Variants in GULP1 observed in about 807,000 individuals in gnomAD.
GULP1 encodes GULP PTB domain containing engulfment adaptor 1.
GULP1 carries 19 observed loss-of-function variants against 40.9 expected under a neutral mutation model. The ratio of observed to expected loss-of-function variants is 0.46; its 90% CI spans 0.32 to 0.68. The LOEUF (loss-of-function observed/expected upper bound fraction) is 0.68, where lower values mean the gene tolerates loss of function less well. Ranked by LOEUF, GULP1 falls within the 30% of genes least tolerant of loss-of-function variation. The pLI is 0.03. For missense variants in GULP1, 312 were observed against 362.2 expected (o/e 0.86, Z 1.12); for synonymous variants, 119 against 117.6 (o/e 1.01, Z -0.08).
chr2:188,540,468 A>T (rs994319902), intron 6 of GULP1, among the ~76,000 whole-genome samples: 7 of 151,788 alleles, frequency 4.6e-5, no homozygotes, highest in African/African-American at 1.7e-4. Context: ...GTGTAAATAT[A>T]TGCTGCAACT....
intron 4 of GULP1, among the ~76,000 whole-genome samples, chr2:188,514,403 C>A (rs1385797026): frequency 6.6e-6 from 1 of 151,960 alleles, no homozygotes; most frequent in Non-Finnish European, 1.5e-5. Context: ...CTTAAAGTTG[C>A]AGTTTCAAAG....
intron 2 of GULP1, among the ~76,000 whole-genome samples, chr2:188,386,932 C>T (rs2049846936): frequency 6.6e-6 from 1 of 151,994 alleles, no homozygotes; most frequent in Admixed American, 6.6e-5. Flanking sequence ...ATAACTAAGC[C>T]TAGAGGAAAA....
At chr2:188,386,156 A>G (rs1368363740) in intron 2 of GULP1, among the ~76,000 whole-genome samples, 2 of 152,338 alleles carry the variant, frequency 1.3e-5, no homozygotes, top group East Asian at 3.9e-4. Flanking sequence ...TTACAGTTCC[A>G]TGTGGCTGGG....
chr2:188,558,539 G>A (rs1009474779), intron 7 of GULP1, among the ~76,000 whole-genome samples: 1 of 152,110 alleles, frequency 6.6e-6, no homozygotes, highest in Admixed American at 6.6e-5. Context: ...AGTAGAGTGC[G>A]GTGTTGCTGA....
At chr2:188,590,031 G>T (rs936965229) in intron 11 of GULP1, 1 of 194,092 alleles carries the variant, frequency 5.2e-6, no homozygotes, top group African/African-American at 2.3e-5. Flanking sequence ...GGAGTGCAGT[G>T]GCATGATCTT....
intron 1 of GULP1, 47 bp from the exon 2 acceptor site, chr2:188,383,716 A>T (rs898561175): frequency 6.6e-6 from 1 of 152,116 alleles, no homozygotes; most frequent in Non-Finnish European, 1.5e-5. Flanking sequence ...ATAAACAGAA[A>T]TGTAATTATT....
At chr2:188,326,508 C>T (rs1162409023) in intron 1 of GULP1, among the ~76,000 whole-genome samples, 2 of 151,968 alleles carry the variant, frequency 1.3e-5, no homozygotes, top group Non-Finnish European at 2.9e-5. Context: ...CACCGAGTAG[C>T]CCCCCAACAA....
intron 2 of GULP1, among the ~76,000 whole-genome samples, chr2:188,419,799 C>G (rs1204103694): frequency 1.3e-5 from 2 of 152,020 alleles, no homozygotes; most frequent in East Asian, 1.9e-4. Context: ...AAGCTTTTCT[C>G]TTAGGTTTTC....
chr2:188,423,765 A>G (rs1451743733), intron 2 of GULP1, among the ~76,000 whole-genome samples: 1 of 151,930 alleles, frequency 6.6e-6, no homozygotes, highest in African/African-American at 2.4e-5. Flanking sequence ...TTAGCTTTTC[A>G]AATTAGATAG....
chr2:188,364,573 G>A (rs1225375824), intron 1 of GULP1, among the ~76,000 whole-genome samples: 2 of 151,962 alleles, frequency 1.3e-5, no homozygotes, highest in African/African-American at 4.8e-5. Context: ...CTTTCTCTGG[G>A]AGGGAGATGC....
At chr2:188,413,112 T>A (rs2054125782) in intron 2 of GULP1, among the ~76,000 whole-genome samples, 1 of 152,214 alleles carries the variant, frequency 6.6e-6, no homozygotes, top group African/African-American at 2.4e-5. Context: ...TCATAATACT[T>A]TTAATATATG....
chr2:188,459,409 A>G (rs1351754737), intron 2 of GULP1, among the ~76,000 whole-genome samples: 1 of 152,036 alleles, frequency 6.6e-6, no homozygotes, highest in Non-Finnish European at 1.5e-5. Context: ...GAAAGAATGT[A>G]CTTTCTGAGG....
intron 2 of GULP1, among the ~76,000 whole-genome samples, chr2:188,468,435 TA>T (rs1370007342): frequency 6.6e-6 from 1 of 152,160 alleles, no homozygotes; most frequent in Non-Finnish European, 1.5e-5. Context: ...TGTAAATCAA[TA>T]AAGTGTATAT....
rs1459318849 is a variant in GULP1, at chr2:188,547,458, CAT to C, written c.399+6142_399+6143del. ...CAAGCTGAGGAGCAAGGAAGCCAGT[CAT>C]AGTCCCAAAGCTGAAAAACTTGAAG... On this transcript the variant is annotated intron_variant, in intron 7 of 11. Transcript: ENST00000409830. Among the ~76,000 whole-genome samples, 4 of 152,110 alleles carry C rather than the reference CAT, an allele frequency of 2.6e-5. No homozygotes were observed. In the East Asian group the frequency reaches 5.8e-4, roughly 22 times the overall value.
chr2:188,321,907 T>C (rs10180687), intron 1 of GULP1, among the ~76,000 whole-genome samples: 37,058 of 151,852 alleles, frequency 0.24, 5,016 homozygotes, highest in African/African-American at 0.37. Flanking sequence ...CCCAGCTACT[T>C]GGGAGGCTGA....
chr2:188,588,022 C>A (rs1043621725), intron 11 of GULP1, 73 bp downstream of exon 11: 15 of 830,336 alleles, frequency 1.8e-5, no homozygotes, highest in Non-Finnish European at 3.0e-5. Context: ...ATGTTATGTA[C>A]CAAAACTATG....
intron 1 of GULP1, among the ~76,000 whole-genome samples, chr2:188,296,872 C>A (rs549009994): frequency 6.6e-6 from 1 of 152,018 alleles, no homozygotes; most frequent in African/African-American, 2.4e-5. Flanking sequence ...TCAGAATAGA[C>A]CTTAGAAACT....
chr2:188,442,405 A>C (rs76001561), intron 2 of GULP1, among the ~76,000 whole-genome samples: 4,202 of 152,298 alleles, frequency 0.028, 209 homozygotes, highest in East Asian at 0.2. Context: ...AAGAGAGGGA[A>C]TTTAATAAAG....
intron 2 of GULP1, among the ~76,000 whole-genome samples, chr2:188,385,263 G>C (rs917487706): frequency 1.2e-4 from 19 of 152,112 alleles, no homozygotes; most frequent in African/African-American, 4.6e-4. Flanking sequence ...GCATCCACAG[G>C]CTCAATACCA....
Sources: allele counts gnomAD v4.1 joint callset (sites outside exome capture counted in the v4.1 genomes callset), GRCh38; gene constraint gnomAD v4.1.1; transcripts MANE v1.5; gene names NCBI Gene and HGNC (gene_info 2026-07-23, HGNC 2026-07-21).